Variants in MYT1L observed in about 807,000 individuals in gnomAD.
The protein encoded by MYT1L is myelin transcription factor 1 like, also known as myelin transcription factor 1-like protein.
Under a neutral mutation model 126.7 loss-of-function variants are expected in MYT1L, and 12 were observed. The observed-to-expected ratio is 0.09, with a 90% CI of 0.06 to 0.15. MYT1L has a LOEUF of 0.15. Among genes scored for constraint, MYT1L ranks in the 10% least tolerant of loss-of-function variants. The probability of loss-of-function intolerance (pLI) is 1.00; values close to 1 mark genes in which losing one functional copy is unlikely to be tolerated. For synonymous variants in MYT1L, 541 were observed against 604.2 expected (o/e 0.90, Z 1.53); for missense variants, 979 against 1,585.2 (o/e 0.62, Z 6.49).
At chr2:2,053,131 A>G (rs2069042145) in intron 4 of MYT1L, among the ~76,000 whole-genome samples, 1 of 152,224 alleles carries the variant, frequency 6.6e-6, no homozygotes, top group Non-Finnish European at 1.5e-5. Flanking sequence ...TGTTGAGGGC[A>G]TTATGCTAAG....
chr2:1,793,825 C>T lies in MYT1L; in HGVS notation c.3277-1361G>A, dbSNP rs2032780409. Among the ~76,000 whole-genome samples the T allele has an allele frequency of 6.6e-6, 1 of 152,136 alleles. No homozygotes were observed. Among genetic ancestry groups the T allele is most frequent in the African/African-American group, 2.4e-5 (1 of 41,438 alleles). On this transcript the variant is annotated intron_variant, in intron 23 of 24. Transcript: ENST00000647738. This position sits in a 1 kb window ranked among gnomAD's most constrained non-coding sequence, Gnocchi z 4.6. ...GGGGTTATTTATCAAATTAATGTTC[C>T]CCTCCCAGCCGCCCCCTTGCAGGCT...
intron 1 of MYT1L, among the ~76,000 whole-genome samples, chr2:2,299,632 C>T (rs2149518033): frequency 6.6e-6 from 1 of 152,316 alleles, no homozygotes; most frequent in South Asian, 2.1e-4. Context: ...GGATGTCTTT[C>T]TAGTGCAATC....
chr2:2,078,348 C>T (rs1253795515), intron 3 of MYT1L, among the ~76,000 whole-genome samples: 1 of 151,920 alleles, frequency 6.6e-6, no homozygotes, highest in East Asian at 1.9e-4. Context: ...TCAATAATTA[C>T]ATTAAATAGA....
At chr2:2,020,383 T>C (rs1277341164) in intron 4 of MYT1L, among the ~76,000 whole-genome samples, 1 of 152,024 alleles carries the variant, frequency 6.6e-6, no homozygotes, top group Non-Finnish European at 1.5e-5. Flanking sequence ...TGCCAAGGAG[T>C]CGCCCTTCAG....
intron 1 of MYT1L, among the ~76,000 whole-genome samples, chr2:2,298,608 T>C (rs189879872): frequency 4.3e-4 from 66 of 152,330 alleles, no homozygotes; most frequent in African/African-American, 1.6e-3. Context: ...CTGTTATCCA[T>C]AGTCACACAC....
chr2:2,003,703 C>T (rs1038802315), intron 4 of MYT1L, among the ~76,000 whole-genome samples: 2 of 152,202 alleles, frequency 1.3e-5, no homozygotes, highest in Admixed American at 1.3e-4. Context: ...TGGTGTGGGG[C>T]CCATGGGTGC....
At chr2:1,869,625 C>T (rs1274836943) in intron 18 of MYT1L, among the ~76,000 whole-genome samples, 2 of 152,154 alleles carry the variant, frequency 1.3e-5, no homozygotes, top group Non-Finnish European at 2.9e-5. Context: ...TTCATGCTGC[C>T]GTTTCTCTCT....
In MYT1L at chr2:2,160,396, G is replaced by A. The variant is rs564854031; in HGVS notation, c.-304+12476C>T. 2.6e-5 allele frequency among the ~76,000 whole-genome samples: 4 copies of A among 152,292 alleles called. No homozygotes were observed. In the East Asian group the frequency reaches 7.7e-4, roughly 29 times the overall value. On this transcript the variant is annotated intron_variant, in intron 3 of 24. Transcript: ENST00000647738. The stretch of plus-strand genomic sequence containing the variant: ...TAATAGAAACCAAATGGTTGATGAA[G>A]GAACGTTTTCTGTAGAGAAGTCCTC...
intron 3 of MYT1L, among the ~76,000 whole-genome samples, chr2:2,135,221 A>AACCCTCCCATG (rs1333679009): frequency 1.3e-5 from 2 of 152,172 alleles, no homozygotes; most frequent in Non-Finnish European, 2.9e-5. Context: ...GGGTAATTGA[A>AACCCTCCCATG]TCATGGAGGT....
At chr2:1,900,819 C>T (rs13387432) in intron 14 of MYT1L, among the ~76,000 whole-genome samples, 6,956 of 152,260 alleles carry the variant, frequency 0.046, 164 homozygotes, top group East Asian at 0.076. Context: ...CAGCTTTCAG[C>T]CTGTCTGCTC....
chr2:2,044,054 A>G (rs1234957088), intron 4 of MYT1L, among the ~76,000 whole-genome samples: 2 of 152,162 alleles, frequency 1.3e-5, no homozygotes, highest in Non-Finnish European at 2.9e-5. Context: ...TGATTAAAGT[A>G]TTAGTTTTCT....
intron 8 of MYT1L, among the ~76,000 whole-genome samples, chr2:1,958,015 A>G (rs11127299): frequency 0.12 from 18,043 of 152,160 alleles, 1,234 homozygotes; most frequent in East Asian, 0.32. Flanking sequence ...CATGCCCCCA[A>G]TGCTTCCCCT....
At chr2:2,099,130 C>A (rs2077758329) in intron 3 of MYT1L, among the ~76,000 whole-genome samples, 1 of 152,112 alleles carries the variant, frequency 6.6e-6, no homozygotes, top group South Asian at 2.1e-4. Flanking sequence ...AAATGTATTT[C>A]TTTTGTCCAT....
intron 4 of MYT1L, among the ~76,000 whole-genome samples, chr2:2,008,575 G>A (rs1489858524): frequency 1.3e-5 from 2 of 152,076 alleles, no homozygotes; most frequent in African/African-American, 4.8e-5. Flanking sequence ...TATACATTTT[G>A]GATATTAACC....
chr2:2,136,718 C>T (rs189379148), intron 3 of MYT1L, among the ~76,000 whole-genome samples: 41 of 129,526 alleles, frequency 3.2e-4, no homozygotes, highest in African/African-American at 1.3e-3. Context: ...CACACATCCT[C>T]GTGAGGCTTG....
chr2:2,119,107 T>G (rs988850790), intron 3 of MYT1L, among the ~76,000 whole-genome samples: 4 of 152,256 alleles, frequency 2.6e-5, no homozygotes, highest in African/African-American at 9.6e-5. Context: ...AACCTTACGC[T>G]ACCTCTGAAT....
intron 5 of MYT1L, among the ~76,000 whole-genome samples, chr2:1,991,174 A>C (rs910308778): frequency 3.9e-5 from 6 of 152,106 alleles, no homozygotes; most frequent in African/African-American, 1.2e-4. Flanking sequence ...AGAAGTTTCC[A>C]TTGAAATCTC....
At chr2:2,018,934 G>A (rs1029108155) in intron 4 of MYT1L, among the ~76,000 whole-genome samples, 6 of 152,248 alleles carry the variant, frequency 3.9e-5, no homozygotes, top group South Asian at 4.2e-4. Flanking sequence ...TGGGGGAGCC[G>A]CTGATTTGTG....
chr2:2,073,781 C>T (rs1240985327), intron 3 of MYT1L, among the ~76,000 whole-genome samples: 2 of 152,168 alleles, frequency 1.3e-5, no homozygotes, highest in African/African-American at 4.8e-5. Context: ...GTTCTTTCTC[C>T]CTCCCACTAT....
Sources: allele counts gnomAD v4.1 joint callset (sites outside exome capture counted in the v4.1 genomes callset), GRCh38; gene constraint gnomAD v4.1.1; non-coding constraint Gnocchi (gnomAD v3.1); transcripts MANE v1.5; gene names NCBI Gene and HGNC (gene_info 2026-07-23, HGNC 2026-07-21).